Variants in SND1 observed in about 807,000 individuals in gnomAD.
SND1 encodes the protein staphylococcal nuclease domain-containing protein 1.
SND1 carries 38 observed loss-of-function variants against 121.7 expected under a neutral mutation model. The ratio of observed to expected loss-of-function variants is 0.31; its 90% CI spans 0.24 to 0.41. The LOEUF is 0.41. Ranked by LOEUF, SND1 falls within the 10% of genes least tolerant of loss-of-function variation. The pLI, the probability that SND1 is intolerant of heterozygous loss-of-function variation, is 1.00. For missense variants in SND1, 868 were observed against 1,184.6 expected, an observed-to-expected ratio of 0.73 and a Z score of 3.92; for synonymous variants, 401 against 447.4, an observed-to-expected ratio of 0.90 and a Z score of 1.31.
At chr7:128,013,837 G>A (rs1228904217) in intron 16 of SND1, among the ~76,000 whole-genome samples, 3 of 152,212 alleles carry the variant, frequency 2.0e-5, no homozygotes, top group South Asian at 2.1e-4. Flanking sequence ...GGGAGACCTC[G>A]GCCTAAGTTT....
chr7:127,994,585 A>AAAAAAAAAAAAC (rs1802599186), intron 16 of SND1, among the ~76,000 whole-genome samples: 1 of 118,110 alleles, frequency 8.5e-6, no homozygotes, highest in Non-Finnish European at 1.7e-5. Context: ...AAAAAAAAAA[A>AAAAAAAAAAAAC]CAGTAAATTC....
intron 8 of SND1, among the ~76,000 whole-genome samples, chr7:127,705,631 A>G (rs937334821): frequency 2.1e-5 from 3 of 146,072 alleles, no homozygotes; most frequent in Admixed American, 7.0e-5. Context: ...ATGTAGATGT[A>G]GATGTAGGTG....
chr7:127,730,540 T>A (rs1445296471), intron 10 of SND1, among the ~76,000 whole-genome samples: 1 of 152,244 alleles, frequency 6.6e-6, no homozygotes, highest in Non-Finnish European at 1.5e-5. Flanking sequence ...ATCCCCTTTA[T>A]GTGTGTTCAG....
At chr7:128,069,341 T>C (rs755667271) in intron 16 of SND1, among the ~76,000 whole-genome samples, 2 of 152,138 alleles carry the variant, frequency 1.3e-5, no homozygotes, top group Non-Finnish European at 2.9e-5. Context: ...CTGGCATTTG[T>C]TGAAGGGAAG....
intron 22 of SND1, among the ~76,000 whole-genome samples, chr7:128,090,988 T>C (rs1793770189): frequency 6.6e-6 from 1 of 152,190 alleles, no homozygotes; most frequent in Non-Finnish European, 1.5e-5. Flanking sequence ...ACACCTAACA[T>C]GCTCATTTAT....
intron 10 of SND1, among the ~76,000 whole-genome samples, chr7:127,806,832 G>A (rs1798247020): frequency 1.3e-5 from 2 of 152,160 alleles, no homozygotes; most frequent in African/African-American, 4.8e-5. Context: ...GGTGACACAT[G>A]CCTGTAATCC....
intron 16 of SND1, among the ~76,000 whole-genome samples, chr7:128,043,586 T>C (rs987947150): frequency 3.3e-5 from 5 of 149,782 alleles, no homozygotes; most frequent in African/African-American, 9.8e-5. Flanking sequence ...AATAAATTTT[T>C]ATATATATAT....
At chr7:127,855,242 C>T (rs945899233) in intron 12 of SND1, among the ~76,000 whole-genome samples, 1 of 151,988 alleles carries the variant, frequency 6.6e-6, no homozygotes, top group African/African-American at 2.4e-5. Flanking sequence ...ACCTCAGCCT[C>T]CCAAGTAGCT....
At chr7:127,862,612 A>T (rs1436737460) in intron 12 of SND1, among the ~76,000 whole-genome samples, 1 of 152,276 alleles carries the variant, frequency 6.6e-6, no homozygotes, top group African/African-American at 2.4e-5. Context: ...TGATTCCTTC[A>T]TTAATCCTGG....
At chr7:127,891,141 T>G (rs1407626080) in intron 13 of SND1, among the ~76,000 whole-genome samples, 2 of 152,034 alleles carry the variant, frequency 1.3e-5, no homozygotes, top group African/African-American at 4.8e-5. Flanking sequence ...TCAAGAAAGA[T>G]CAGAATGCTT....
chr7:128,008,823 G>A (rs949976087), intron 16 of SND1, among the ~76,000 whole-genome samples: 8 of 152,192 alleles, frequency 5.3e-5, no homozygotes, highest in Admixed American at 6.5e-5. Context: ...AAGTGGGGGA[G>A]GAACAAATCA....
intron 10 of SND1, among the ~76,000 whole-genome samples, chr7:127,795,535 G>C (rs1403417916): frequency 6.6e-6 from 1 of 152,076 alleles, no homozygotes; most frequent in African/African-American, 2.4e-5. Flanking sequence ...ACTCTGAATG[G>C]TATTATATGT....
At chr7:127,934,580 G>A (rs968188573) in intron 15 of SND1, among the ~76,000 whole-genome samples, 4 of 152,088 alleles carry the variant, frequency 2.6e-5, no homozygotes, top group East Asian at 1.9e-4. Flanking sequence ...CTTGAAATTC[G>A]GGGAATGCCT....
At chr7:127,992,589 G>A (rs1018606594) in intron 16 of SND1, among the ~76,000 whole-genome samples, 1 of 152,196 alleles carries the variant, frequency 6.6e-6, no homozygotes, top group African/African-American at 2.4e-5. Context: ...TCATTAGATT[G>A]CCCAAGACAT....
At chr7:128,067,017 G>A (rs931840595) in intron 16 of SND1, among the ~76,000 whole-genome samples, 23 of 152,154 alleles carry the variant, frequency 1.5e-4, no homozygotes, top group African/African-American at 3.1e-4. Context: ...GGACTTGATC[G>A]TTAGCAAATG....
At chr7:127,940,048 T>C (rs1010680271) in intron 15 of SND1, among the ~76,000 whole-genome samples, 1 of 152,190 alleles carries the variant, frequency 6.6e-6, no homozygotes, top group Non-Finnish European at 1.5e-5. Context: ...CTGTGAGCTT[T>C]TCCCTAGGTG....
chr7:127,760,896 A>G (rs1019019043), intron 10 of SND1, among the ~76,000 whole-genome samples: 2 of 152,254 alleles, frequency 1.3e-5, no homozygotes, highest in African/African-American at 2.4e-5. Flanking sequence ...CTGATGAACC[A>G]GAAACTATAT....
intron 1 of SND1, among the ~76,000 whole-genome samples, chr7:127,668,352 A>G (rs1358040618): frequency 6.6e-6 from 1 of 152,146 alleles, no homozygotes; most frequent in African/African-American, 2.4e-5. Flanking sequence ...CCCAAACCCT[A>G]GACTAGATCA....
chr7:127,968,372 A>G (rs2116881520), intron 15 of SND1, among the ~76,000 whole-genome samples: 1 of 152,254 alleles, frequency 6.6e-6, no homozygotes, highest in East Asian at 1.9e-4. Context: ...TGATATATGT[A>G]TGTAATGTTG....
Sources: gnomAD v4.1 joint callset for allele counts (sites outside exome capture counted in the v4.1 genomes callset) on GRCh38, gnomAD v4.1.1 for gene constraint, MANE v1.5 for transcripts, NCBI Gene and HGNC (gene_info 2026-07-23, HGNC 2026-07-21) for gene names.